The following NHSL1 variants were observed in gnomAD, a reference collection of about 807,000 sequenced individuals.
The protein encoded by NHSL1 is NHS-like protein 1.
NHSL1 carries 48 observed loss-of-function variants against 95.0 expected under a neutral mutation model. The ratio of observed to expected loss-of-function variants is 0.51; its 90% CI spans 0.40 to 0.64. NHSL1 has a LOEUF of 0.64. NHSL1 is among the 30% of genes least tolerant of loss of function. The pLI is 0.00. For missense variants in NHSL1, 1,971 were observed against 2,077.7 expected (o/e 0.95, Z 1.00); for synonymous variants, 783 against 833.9 (o/e 0.94, Z 1.05).
At chr6:138,524,347 T>G (rs1473569844) in intron 1 of NHSL1, among the ~76,000 whole-genome samples, 1 of 152,160 alleles carries the variant, frequency 6.6e-6, no homozygotes, top group Non-Finnish European at 1.5e-5. Flanking sequence ...AAGATAGAGA[T>G]CATTACCAGC....
intron 3 of NHSL1, among the ~76,000 whole-genome samples, chr6:138,471,665 T>C (rs954194382): frequency 9.2e-5 from 14 of 152,070 alleles, no homozygotes; most frequent in African/African-American, 3.1e-4. Context: ...GAGGAATAAG[T>C]TTTTAGATCT....
At chr6:138,541,956 T>C (rs1026351473) in intron 1 of NHSL1, among the ~76,000 whole-genome samples, 1 of 152,204 alleles carries the variant, frequency 6.6e-6, no homozygotes, top group Non-Finnish European at 1.5e-5. Context: ...TGATTTTACA[T>C]GCGGTCCACT....
At chr6:138,453,365 T>C (rs765031746) in intron 3 of NHSL1, among the ~76,000 whole-genome samples, 1 of 151,958 alleles carries the variant, frequency 6.6e-6, no homozygotes, top group Admixed American at 6.6e-5. Context: ...TTTGTTGTTG[T>C]TGTTTTTGAG....
At chr6:138,642,001 T>C (rs557731853) in intron 1 of NHSL1, among the ~76,000 whole-genome samples, 11 of 152,336 alleles carry the variant, frequency 7.2e-5, no homozygotes, top group African/African-American at 2.2e-4. Flanking sequence ...TTACATTTAT[T>C]ACAAATGAAT....
At chr6:138,542,197 A>G (rs1156816028) in intron 1 of NHSL1, among the ~76,000 whole-genome samples, 1 of 152,168 alleles carries the variant, frequency 6.6e-6, no homozygotes, top group South Asian at 2.1e-4. Flanking sequence ...GCAGAAACTC[A>G]AGTGATGCTA....
intron 1 of NHSL1, among the ~76,000 whole-genome samples, chr6:138,523,627 G>GAAAAAAAAAAA (rs67335375): frequency 2.3e-4 from 15 of 64,936 alleles, no homozygotes; most frequent in Non-Finnish European, 3.9e-4. Flanking sequence ...TTTTAAAGAG[G>GAAAAAAAAAAA]AAAAAAAAAA....
intron 2 of NHSL1, among the ~76,000 whole-genome samples, chr6:138,491,224 T>C (rs899331571): frequency 3.3e-5 from 5 of 152,200 alleles, no homozygotes; most frequent in African/African-American, 7.2e-5. Flanking sequence ...AGCTGCTCTG[T>C]GAACTAATTC....
chr6:138,521,740 A>T (rs538618518), intron 1 of NHSL1, among the ~76,000 whole-genome samples: 4 of 152,294 alleles, frequency 2.6e-5, no homozygotes, highest in East Asian at 3.9e-4. Context: ...CCCGGAGGAA[A>T]CAGTGGCTAG....
At chr6:138,675,629 G>A (rs964943607) in intron 1 of NHSL1, among the ~76,000 whole-genome samples, 14 of 151,996 alleles carry the variant, frequency 9.2e-5, no homozygotes, top group African/African-American at 2.9e-4. Context: ...CCGTCTCCTC[G>A]GTTCAAGTGA....
In NHSL1 at chr6:138,586,315, G is replaced by A. The variant is rs181091409; in HGVS notation, c.97-89944C>T. Among the ~76,000 whole-genome samples the A allele has an allele frequency of 5.5e-3, 834 of 152,128 alleles. 10 individuals carry two copies. Among genetic ancestry groups the A allele is most frequent in the African/African-American group, 0.018 (733 of 41,506 alleles). On this transcript the variant is annotated intron_variant, in intron 1 of 3. Coordinates refer to the NHSL1 transcript ENST00000491526. The stretch of plus-strand genomic sequence containing the variant: ...TCACCATGTTGACCAGTCTGGTCTC[G>A]AACTCCTGATCTCAAGTGATCTGCC...
chr6:138,596,978 G>A (rs1291951844), intron 1 of NHSL1, among the ~76,000 whole-genome samples: 1 of 151,968 alleles, frequency 6.6e-6, no homozygotes, highest in Non-Finnish European at 1.5e-5. Context: ...GGCCCACGTG[G>A]CAAAACCCTG....
intron 3 of NHSL1, among the ~76,000 whole-genome samples, chr6:138,461,533 A>C (rs1192767461): frequency 6.6e-6 from 1 of 152,196 alleles, no homozygotes; most frequent in Non-Finnish European, 1.5e-5. Context: ...AACAATGTCA[A>C]ATGCTGAGAG....
At chr6:138,578,464 G>C (rs999254301) in intron 1 of NHSL1, among the ~76,000 whole-genome samples, 1 of 152,154 alleles carries the variant, frequency 6.6e-6, no homozygotes, top group African/African-American at 2.4e-5. Flanking sequence ...CTTTCACCAA[G>C]AAAATGTCCC....
chr6:138,659,050 T>C (rs372622930), intron 1 of NHSL1, among the ~76,000 whole-genome samples: 5 of 145,474 alleles, frequency 3.4e-5, no homozygotes, highest in South Asian at 4.6e-4. Context: ...GACTATCTTT[T>C]TTTTTTTTTT....
intron 1 of NHSL1, among the ~76,000 whole-genome samples, chr6:138,621,578 T>G (rs1215786633): frequency 6.6e-6 from 1 of 152,090 alleles, no homozygotes; most frequent in African/African-American, 2.4e-5. Context: ...TTTCAAATGA[T>G]TCTCCTGCCT....
chr6:138,623,861 G>A (rs929626324), intron 1 of NHSL1, among the ~76,000 whole-genome samples: 3 of 152,166 alleles, frequency 2.0e-5, no homozygotes, highest in East Asian at 1.9e-4. Flanking sequence ...TGCCGCTCTC[G>A]TGATAGTGAG....
At chr6:138,504,389 A>G (rs1224897995), upstream of NHSL1, among the ~76,000 whole-genome samples, 1 of 152,226 alleles carries the variant, frequency 6.6e-6, no homozygotes, top group Non-Finnish European at 1.5e-5. Context: ...AAATGATGAT[A>G]TAAAGATTAA....
At chr6:138,628,276 A>G (rs149217505) in intron 1 of NHSL1, among the ~76,000 whole-genome samples, 2,521 of 150,724 alleles carry the variant, frequency 0.017, 86 homozygotes, top group African/African-American at 0.057. Flanking sequence ...CTGCCATTGC[A>G]CTCCAGCCTG....
At chr6:138,444,549 T>G (rs971860177) in intron 4 of NHSL1, among the ~76,000 whole-genome samples, 2 of 151,782 alleles carry the variant, frequency 1.3e-5, no homozygotes, top group Non-Finnish European at 2.9e-5. Context: ...CTATGCATGG[T>G]GGGCTGCACT....
Sources: gnomAD v4.1 joint callset for allele counts (sites outside exome capture counted in the v4.1 genomes callset) on GRCh38, gnomAD v4.1.1 for gene constraint, MANE v1.5 for transcripts, NCBI Gene and HGNC (gene_info 2026-07-23, HGNC 2026-07-21) for gene names.